CHUK: variants seen among roughly 807,000 people sequenced by gnomAD.
CHUK encodes the protein inhibitor of nuclear factor kappa-B kinase subunit alpha.
CHUK carries 35 observed loss-of-function variants against 104.8 expected under a neutral mutation model. The ratio of observed to expected loss-of-function variants is 0.33; its 90% CI spans 0.26 to 0.44. CHUK has a LOEUF of 0.44. Among genes scored for constraint, CHUK ranks in the 20% least tolerant of loss-of-function variants. CHUK has a pLI of 1.00. For missense variants in CHUK, 663 were observed against 902.7 expected (o/e 0.73, Z 3.40); for synonymous variants, 276 against 291.9 (o/e 0.95, Z 0.56).
chr10:100,207,942 T>TA (rs1234471626), intron 10 of CHUK, among the ~76,000 whole-genome samples: 2 of 152,078 alleles, frequency 1.3e-5, no homozygotes, highest in African/African-American at 4.8e-5. Context: ...TTGTACACCT[T>TA]AAATGGGAAC....
At chr10:100,217,042 G>T (rs1237654586) in intron 9 of CHUK, among the ~76,000 whole-genome samples, 1 of 150,746 alleles carries the variant, frequency 6.6e-6, no homozygotes, top group Non-Finnish European at 1.5e-5. Flanking sequence ...AGATATGCCA[G>T]TGTAGGTGAG....
At chr10:100,223,034 A>T (rs1846026044) in intron 2 of CHUK, 54 bp from the exon 3 acceptor site, 2 of 899,462 alleles carry the variant, frequency 2.2e-6, no homozygotes, top group Non-Finnish European at 3.7e-6. Context: ...ATAAAAAGGG[A>T]CTGGATTTGA....
intron 5 of CHUK, 23 bp from the exon 6 acceptor site, chr10:100,219,382 A>T (rs1275046356): frequency 8.1e-7 from 1 of 1,239,650 alleles, no homozygotes; most frequent in Admixed American, 1.7e-5. Context: ...AAGACAGATT[A>T]AGTATTAAAT....
chr10:100,208,937 T>C (rs192240504), intron 10 of CHUK, among the ~76,000 whole-genome samples: 5 of 152,272 alleles, frequency 3.3e-5, no homozygotes, highest in East Asian at 1.9e-4. Flanking sequence ...ATAAGTTTTA[T>C]TGGGGGTCTG....
chr10:100,214,896 T>C (rs908982426), intron 9 of CHUK, among the ~76,000 whole-genome samples: 1 of 152,062 alleles, frequency 6.6e-6, no homozygotes, highest in Non-Finnish European at 1.5e-5. Flanking sequence ...CCTGGGTAAC[T>C]GGAAAGGTGA....
At chr10:100,207,025 T>C (rs1235827302) in intron 11 of CHUK, among the ~76,000 whole-genome samples, 4 of 152,222 alleles carry the variant, frequency 2.6e-5, no homozygotes, top group Non-Finnish European at 5.9e-5. Context: ...TTCTCTTGAA[T>C]GATCTCATGG....
At position 100,194,050 on chromosome 10, in the gene CHUK, G is replaced by T. The variant is rs147154409; in HGVS notation, c.1908C>A (p.Asp636Glu). The T allele has an allele frequency of 7.4e-5, 119 of 1,613,240 alleles. No homozygotes were observed. Among genetic ancestry groups the T allele is most frequent in the Non-Finnish European group, 9.4e-5 (111 of 1,179,474 alleles). ...EVALSNIKEADNTVMFMQGKR... is the reference protein window; with the variant it reads ...EVALSNIKEAENTVMFMQGKR... ...TTCCCTGCATGAACATGACAGTATTGTCAGCTTCTTTGATATTACTGAGGG... is the reference window on the plus strand; with the variant it reads ...TTCCCTGCATGAACATGACAGTATTTTCAGCTTCTTTGATATTACTGAGGG... The change falls in exon 18 of 21, where the codon GAC becomes GAA. Residue 636 changes from aspartate (D) to glutamate (E), a missense_variant. By Grantham distance (45) the Asp-to-Glu change is conservative. Coordinates refer to ENST00000370397, the MANE Select transcript of CHUK (RefSeq NM_001278.5).
rs779646874 is a variant in CHUK, at chr10:100,193,379, G to A, written c.2027C>T (p.Thr676Ile). 6.2e-7 allele frequency: 1 copy of A among 1,614,126 alleles called. No homozygotes were observed. Among genetic ancestry groups the A allele is most frequent in the Non-Finnish European group, 8.5e-7 (1 of 1,179,992 alleles). Residue 676 changes from threonine (T) to isoleucine (I), a missense_variant, in exon 19 of 21, where the codon ACC (threonine) becomes ATC (isoleucine). Thr to Ile is a moderately conservative substitution (Grantham distance 89). This residue lies in a region of CHUK where 311 missense variants were observed against 393.4 expected (regional missense o/e 0.79). Coordinates refer to ENST00000370397, the MANE Select transcript of CHUK (RefSeq NM_001278.5). The part of the protein sequence containing the change: ...LVGSSLEGAV[T>I]PQTSAWLPPT... ...GGGCAGCCATGCTGATGTCTGAGGG[G>A]TTACTGCACCTTCTAGACTGGATCC...
intron 8 of CHUK, 132 bp from the exon 9 acceptor site, chr10:100,218,262 A>C (rs1845905940): frequency 1.2e-6 from 1 of 805,648 alleles, no homozygotes; most frequent in Middle Eastern, 3.3e-4. Context: ...TTCATAAATT[A>C]CTTTCAAATT....
At chr10:100,195,163 G>C (rs1053370029) in intron 16 of CHUK, 3 of 151,910 alleles carry the variant, frequency 2.0e-5, no homozygotes, top group Non-Finnish European at 4.4e-5. Context: ...ATGTGACCTC[G>C]ATTTTAAAAA....
intron 13 of CHUK, among the ~76,000 whole-genome samples, chr10:100,204,158 A>T (rs1342154995): frequency 6.6e-6 from 1 of 152,186 alleles, no homozygotes; most frequent in African/African-American, 2.4e-5. Context: ...TCAGAATTTC[A>T]ACATATGTAT....
At chr10:100,197,530 G>A (rs61701138) in intron 16 of CHUK, among the ~76,000 whole-genome samples, 3 of 152,050 alleles carry the variant, frequency 2.0e-5, no homozygotes, top group African/African-American at 7.2e-5. Flanking sequence ...AAAAATACTC[G>A]TGTCTTAATT....
Position 100,213,423 on chromosome 10 carries a change from T to C in CHUK, c.934-3634A>G, listed in dbSNP as rs532779727. Among the ~76,000 whole-genome samples the C allele has an allele frequency of 6.1e-4, 93 of 151,890 alleles. 1 individual carries two copies. The highest frequency in any genetic ancestry group is 2.2e-3 in the African/African-American group (91 of 41,392). On this transcript the variant is annotated intron_variant, in intron 9 of 20. Transcript: ENST00000370397. ...ATCACTTGAGTCTGGGAGGTGAAAG[T>C]TGCAGTGAGTGGAGATTGCACCATG...
Position 100,194,493 on chromosome 10 carries a change from C to T in CHUK, c.1758G>A (p.Met586Ile). The change falls in exon 17 of 21, where the codon ATG becomes ATA. Residue 586 changes from methionine to isoleucine, a missense_variant. Physicochemically the swap from Met to Ile is conservative, Grantham distance 10. Transcript: ENST00000370397. Reference protein sequence around the residue: ...SDHSYSDSTEMVKIIVHTVQS... With the variant: ...SDHSYSDSTEIVKIIVHTVQS... ...GCACAGTGTGCACAATGATTTTCAC[C>T]ATCTCTGTGCTGTCACTGTAGGAGT... is the stretch of plus-strand genomic sequence containing the variant. 1.2e-6 allele frequency: 2 copies of T among 1,612,758 alleles called. No homozygotes were observed. Among genetic ancestry groups the T allele is most frequent in the Non-Finnish European group, 1.7e-6 (2 of 1,178,874 alleles).
intron 10 of CHUK, among the ~76,000 whole-genome samples, chr10:100,209,086 C>T (rs1845660392): frequency 6.6e-6 from 1 of 152,176 alleles, no homozygotes; most frequent in African/African-American, 2.4e-5. Context: ...TTTACTGAGG[C>T]TCCAGAGGAA....
intron 20 of CHUK, chr10:100,190,338 T>C (rs1845168160): frequency 6.0e-6 from 1 of 168,022 alleles, no homozygotes; most frequent in Non-Finnish European, 1.3e-5. Context: ...TTTTTCTTAA[T>C]GAAAGAGGAA....
intron 9 of CHUK, among the ~76,000 whole-genome samples, chr10:100,213,058 G>A (rs1845766834): frequency 6.6e-6 from 1 of 151,592 alleles, no homozygotes; most frequent in Admixed American, 6.6e-5. Flanking sequence ...AAGGGATACT[G>A]AATATTCCCA....
Position 100,207,361 on chromosome 10 carries a change from T to C in CHUK, c.1129-29A>G, listed in dbSNP as rs764452751. The C allele has an allele frequency of 2.8e-6, 3 of 1,065,504 alleles. No individual in the cohort carries two copies. The East Asian group carries it at 7.1e-5, about 25-fold the overall frequency. 66.0% of individuals were successfully genotyped at this position (1,065,504 alleles called of 1,614,324 possible). On this transcript the variant is annotated intron_variant, in intron 10 of 20. Coordinates refer to ENST00000370397, the MANE Select transcript of CHUK (RefSeq NM_001278.5). ...AAAAAGAAACAAACAGTTAAAATCC[T>C]GTTCAAGGATCTTTGAAAATCCTAG... is the stretch of plus-strand genomic sequence containing the variant.
At chr10:100,229,390 T>C in intron 1 of CHUK, 38 bp downstream of exon 1, 1 of 1,483,312 alleles carries the variant, frequency 6.7e-7, no homozygotes, top group South Asian at 1.1e-5. Flanking sequence ...CCACCGCCGC[T>C]CCAACCCACC....
Sources: gnomAD v4.1 joint callset for allele counts (sites outside exome capture counted in the v4.1 genomes callset) on GRCh38, gnomAD v4.1.1 for gene constraint, gnomAD v4.1.1 regional missense constraint, MANE v1.5 for transcripts, NCBI Gene and HGNC (gene_info 2026-07-23, HGNC 2026-07-21) for gene names.